The following ANXA4 variants were observed in gnomAD, a reference collection of about 807,000 sequenced individuals.
ANXA4 encodes the protein 35-beta calcimedin.
In ANXA4, 39 loss-of-function variants were observed where a neutral mutation model predicts 49.8. The observed-to-expected ratio is 0.78, with a 90% CI of 0.61 to 1.02. The LOEUF (loss-of-function observed/expected upper bound fraction) is 1.02, where lower values mean the gene tolerates loss of function less well. ANXA4 is among the 50% of genes least tolerant of loss of function. ANXA4 has a pLI of 0.00. For synonymous variants in ANXA4, 134 were observed against 152.5 expected, an observed-to-expected ratio of 0.88 and a Z score of 0.89; for missense variants, 360 against 410.1, an observed-to-expected ratio of 0.88 and a Z score of 1.05.
chr2:69,789,116 T>G (rs1672558118), intron 3 of ANXA4, among the ~76,000 whole-genome samples: 1 of 152,248 alleles, frequency 6.6e-6, no homozygotes, highest in African/African-American at 2.4e-5. Context: ...AGTGCTGGTG[T>G]GTATATGGTG....
At position 69,748,893 on chromosome 2, in the gene ANXA4, TG is replaced by T. The variant is rs149515993; in HGVS notation, c.-47+6719del. Among the ~76,000 whole-genome samples, 989 of 152,124 alleles carry T rather than the reference TG, an allele frequency of 6.5e-3. 11 individuals carry two copies. The highest frequency in any genetic ancestry group is 0.024 in the Middle Eastern group (7 of 294). On this transcript the variant is annotated intron_variant, in intron 1 of 12. Transcript: ENST00000394295. Reference sequence around the variant, plus strand: ...ACCTGGCTAATTTTCTGTATTTTTTTGTAGAGACGAAGTTTTGCCATGTTGC... The same window carrying T: ...ACCTGGCTAATTTTCTGTATTTTTTTTAGAGACGAAGTTTTGCCATGTTGC...
In ANXA4 at chr2:69,670,424, G is replaced by A. The variant is rs977195102; in HGVS notation, n.766+17142G>A. 9.2e-5 allele frequency among the ~76,000 whole-genome samples: 13 copies of A among 141,500 alleles called. No homozygotes were observed. The Admixed American group carries it at 9.5e-4, about 10-fold the overall frequency. 92.8% of individuals were successfully genotyped at this position (141,500 alleles called of 152,430 possible). On this transcript the variant is annotated intron_variant and non_coding_transcript_variant, in intron 2 of 3. Coordinates refer to the ANXA4 transcript ENST00000418066. ...CACTGCACTCCAGCCTGGCGACAGA[G>A]CGAGACTCAATCTCAAAAAAAAAAA... is the stretch of plus-strand genomic sequence containing the variant.
At chr2:69,682,022 A>G (rs1358319678) in intron 2 of ANXA4, among the ~76,000 whole-genome samples, 1 of 151,964 alleles carries the variant, frequency 6.6e-6, no homozygotes, top group East Asian at 1.9e-4. Flanking sequence ...AATGTTTTGT[A>G]GAGACAGGGT....
chr2:69,693,648 G>A (rs796932952), intron 2 of ANXA4, among the ~76,000 whole-genome samples: 8 of 152,174 alleles, frequency 5.3e-5, no homozygotes, highest in African/African-American at 1.7e-4. Flanking sequence ...GTGGGGACAG[G>A]AGAGGAAGGA....
At chr2:69,675,386 A>G (rs541939880) in intron 2 of ANXA4, among the ~76,000 whole-genome samples, 1 of 152,364 alleles carries the variant, frequency 6.6e-6, no homozygotes, top group East Asian at 1.9e-4. Flanking sequence ...AGTCATGTTG[A>G]CAATACTCTA....
rs576423550 is a variant in ANXA4 at position 69,823,574 on chromosome 2, T to C, written c.907-1882T>C. Among the ~76,000 whole-genome samples the C allele has an allele frequency of 6.6e-5, 10 of 152,160 alleles. No individual in the cohort carries two copies. In the South Asian group the frequency reaches 1.9e-3, roughly 28 times the overall value. The stretch of plus-strand genomic sequence containing the variant: ...AGAAAGAAAGCGGAGATTATGCTAT[T>C]AATAAAAAGAAGAATTTAGGGAGAA... On this transcript the variant is annotated intron_variant, in intron 12 of 12. Coordinates refer to ENST00000394295, the MANE Select transcript of ANXA4 (RefSeq NM_001153.5).
intron 2 of ANXA4, among the ~76,000 whole-genome samples, chr2:69,719,710 A>AT (rs1669767251): frequency 6.6e-6 from 1 of 152,142 alleles, no homozygotes; most frequent in South Asian, 2.1e-4. Context: ...AAGTGCTGGG[A>AT]TTACAGGCAT....
At position 69,780,034 on chromosome 2, in the gene ANXA4, T is replaced by A. The variant is rs77305803; in HGVS notation, c.-46-1486T>A. Among the ~76,000 whole-genome samples, 462 of 152,172 alleles carry A rather than the reference T, an allele frequency of 3.0e-3. 5 individuals carry two copies. Among genetic ancestry groups the A allele is most frequent in the Middle Eastern group, 0.024 (7 of 294 alleles). On this transcript the variant is annotated intron_variant, in intron 1 of 12. Coordinates refer to ENST00000394295, the MANE Select transcript of ANXA4 (RefSeq NM_001153.5). ...AAACAAGGCCTAAATGGTAATCAGG[T>A]GGGTTAAGAAGGACTTAGTTATCAT...
chr2:69,710,729 G>A (rs1200611824), intron 2 of ANXA4, among the ~76,000 whole-genome samples: 1 of 152,106 alleles, frequency 6.6e-6, no homozygotes, highest in East Asian at 1.9e-4. Context: ...AGTCACCTGA[G>A]AAATACAAAG....
chr2:69,778,412 T>C (rs35066995), intron 1 of ANXA4, among the ~76,000 whole-genome samples: 28,855 of 152,162 alleles, frequency 0.19, 3,163 homozygotes, highest in East Asian at 0.34. Flanking sequence ...ACAGTGGATA[T>C]CAATACTGTC....
chr2:69,804,665 C>T, intron 4 of ANXA4, 38 bp downstream of exon 4: 4 of 1,547,434 alleles, frequency 2.6e-6, no homozygotes, highest in Non-Finnish European at 3.5e-6. Context: ...TGGCTGACTT[C>T]GCAGCAACAG....
chr2:69,656,258 CGTATATATATGTATATACGTAT>C (rs1676450060), intron 2 of ANXA4, among the ~76,000 whole-genome samples: 1 of 109,328 alleles, frequency 9.1e-6, no homozygotes, highest in Non-Finnish European at 1.8e-5. Flanking sequence ...TATGTATATA[CGTATATATATGTATATACGTAT>C]ATATATACAT....
intron 1 of ANXA4, among the ~76,000 whole-genome samples, chr2:69,759,514 G>T (rs865913986): frequency 3.9e-5 from 6 of 152,136 alleles, no homozygotes; most frequent in Admixed American, 1.3e-4. Context: ...ATTTGTAAGC[G>T]TGGAAAGATT....
rs1029990697 is a variant in ANXA4, at chr2:69,807,893, G to T, written c.307-13G>T. The T allele has an allele frequency of 1.8e-5, 29 of 1,613,602 alleles. No homozygotes were observed. Among genetic ancestry groups the T allele is most frequent in the Non-Finnish European group, 2.5e-5 (29 of 1,179,644 alleles). On this transcript the variant is annotated splice_polypyrimidine_tract_variant and intron_variant, in intron 5 of 12. Coordinates refer to ENST00000394295, the MANE Select transcript of ANXA4 (RefSeq NM_001153.5). ...CTGGCTCATATAGCCCTGTCCTCTG[G>T]TTTCTTGTTTAGGGAGCCGGCACTG...
intron 3 of ANXA4, among the ~76,000 whole-genome samples, chr2:69,735,620 C>T (rs190101733): frequency 1.9e-3 from 282 of 150,360 alleles, no homozygotes; most frequent in Admixed American, 3.5e-3. Flanking sequence ...AAAAAAAATC[C>T]CCTATTTGCA....
chr2:69,653,748 T>C (rs371414676), intron 2 of ANXA4, among the ~76,000 whole-genome samples: 5 of 152,226 alleles, frequency 3.3e-5, no homozygotes, highest in Non-Finnish European at 7.3e-5. Flanking sequence ...TAGCCATGCC[T>C]CCTTGTGAAG....
chr2:69,737,014 G>C (rs993592371), upstream of ANXA4, among the ~76,000 whole-genome samples: 3 of 152,018 alleles, frequency 2.0e-5, no homozygotes, highest in African/African-American at 7.3e-5. Flanking sequence ...AGTTGGCCAG[G>C]CTGGTCTTGA....
In ANXA4 at chr2:69,700,613, C is replaced by A. The variant is rs1407710326; in HGVS notation, n.767-20161C>A. Among the ~76,000 whole-genome samples the A allele has an allele frequency of 3.9e-5, 6 of 152,304 alleles. No homozygotes were observed. In the East Asian group the frequency reaches 7.7e-4, roughly 20 times the overall value. On this transcript the variant is annotated intron_variant and non_coding_transcript_variant, in intron 2 of 3. Transcript: ENST00000418066. ...ACACATGGGTCGTACAGTACACATT[C>A]TGTGGCATGCTATTGCCTTGATTGC...
intron 7 of ANXA4, chr2:69,811,560 A>G (rs918761148): frequency 6.6e-6 from 1 of 152,222 alleles, no homozygotes; most frequent in Non-Finnish European, 1.5e-5. Flanking sequence ...GACATTTCAC[A>G]TCACTTCCCA....
Sources: gnomAD v4.1 joint callset for allele counts (sites outside exome capture counted in the v4.1 genomes callset) on GRCh38, gnomAD v4.1.1 for gene constraint, MANE v1.5 for transcripts, NCBI Gene and HGNC (gene_info 2026-07-23, HGNC 2026-07-21) for gene names.